The following SCTR variants were observed in gnomAD, a reference collection of about 807,000 sequenced individuals.
The protein encoded by SCTR is secretin receptor.
In SCTR, 56 loss-of-function variants were observed where a neutral mutation model predicts 60.8. The observed-to-expected ratio is 0.92, with a 90% CI of 0.74 to 1.15. The LOEUF (loss-of-function observed/expected upper bound fraction) is 1.15, where lower values mean the gene tolerates loss of function less well. Ranked by LOEUF, SCTR falls within the 50% of genes most tolerant of loss-of-function variation. SCTR has a pLI of 0.00. For missense variants in SCTR, 562 were observed against 550.4 expected (o/e 1.02, Z -0.21); for synonymous variants, 202 against 217.0 (o/e 0.93, Z 0.61).
At chr2:119,465,028 G>C (rs13396829) in intron 5 of SCTR, among the ~76,000 whole-genome samples, 7,911 of 152,244 alleles carry the variant, frequency 0.052, 657 homozygotes, top group African/African-American at 0.18. Context: ...CCGGAAACAG[G>C]CTTTCTTCTG....
chr2:119,463,031 C>T (rs1683679322), intron 6 of SCTR, among the ~76,000 whole-genome samples: 1 of 151,844 alleles, frequency 6.6e-6, no homozygotes, highest in African/African-American at 2.4e-5. Flanking sequence ...ATGGATCCTA[C>T]CTGAAGAACC....
chr2:119,440,180 G>T lies in SCTR; in HGVS notation c.1260C>A (p.Ser420Arg). ...CCAAGTGGCTGGCCTTGGTGCTGTT[G>T]CTGAAGGAGGCCACGGGGTGCAGTG... ...EFPLHPVASF[S>R]NSTKASHLEQ... The change falls in exon 13 of 13, where the codon AGC becomes AGA. Residue 420 changes from serine to arginine, a missense_variant. Ser to Arg is a moderately radical substitution (Grantham distance 110, BLOSUM62 -1). Coordinates refer to ENST00000019103, the MANE Select transcript of SCTR (RefSeq NM_002980.3). 2 of 1,614,068 alleles carry T rather than the reference G, an allele frequency of 1.2e-6. No homozygotes were observed. Among genetic ancestry groups the T allele is most frequent in the Non-Finnish European group, 1.7e-6 (2 of 1,180,012 alleles).
intron 2 of SCTR, chr2:119,479,235 A>G: frequency 9.2e-7 from 1 of 1,084,374 alleles, no homozygotes; most frequent in Non-Finnish European, 1.1e-6. Context: ...TCTGGAGCAG[A>G]TGGCACATCT....
chr2:119,500,842 T>C (rs1678520205), intron 1 of SCTR, among the ~76,000 whole-genome samples: 1 of 152,192 alleles, frequency 6.6e-6, no homozygotes, highest in Non-Finnish European at 1.5e-5. Flanking sequence ...TTTAAAATAA[T>C]CTGTTGTATA....
chr2:119,442,073 C>T (rs918428723), intron 11 of SCTR, among the ~76,000 whole-genome samples: 1 of 152,224 alleles, frequency 6.6e-6, no homozygotes, highest in Non-Finnish European at 1.5e-5. Context: ...GTAGGCAGAA[C>T]AAACTATGTA....
At chr2:119,498,896 A>G (rs1156342298) in intron 1 of SCTR, among the ~76,000 whole-genome samples, 1 of 152,058 alleles carries the variant, frequency 6.6e-6, no homozygotes, top group Non-Finnish European at 1.5e-5. Context: ...AGTGACATTA[A>G]ATGTAAATGG....
intron 1 of SCTR, among the ~76,000 whole-genome samples, chr2:119,505,005 G>A (rs1013255058): frequency 1.3e-5 from 2 of 152,052 alleles, no homozygotes; most frequent in Admixed American, 1.3e-4. Context: ...AGTTACAATG[G>A]CGATCATTAA....
At chr2:119,442,234 T>C (rs1355232454) in intron 11 of SCTR, among the ~76,000 whole-genome samples, 1 of 152,160 alleles carries the variant, frequency 6.6e-6, no homozygotes. Context: ...AGCTCCTGAT[T>C]TCCTGATGGT....
intron 1 of SCTR, among the ~76,000 whole-genome samples, chr2:119,507,614 G>A (rs1171369111): frequency 6.6e-6 from 1 of 151,208 alleles, no homozygotes; most frequent in East Asian, 1.9e-4. Flanking sequence ...ATTTGCTATG[G>A]GTGTCATATA....
intron 7 of SCTR, among the ~76,000 whole-genome samples, chr2:119,457,699 G>A (rs752318496): frequency 1.3e-5 from 2 of 152,058 alleles, no homozygotes; most frequent in Admixed American, 6.5e-5. Flanking sequence ...GGCCAAGAGA[G>A]TGAGATCCTG....
chr2:119,452,045 A>G lies in SCTR; in HGVS notation c.886T>C (p.Trp296Arg). The stretch of plus-strand genomic sequence containing the variant: ...AGGATCACAGGACCACGAATGATCC[A>G]CCAGATGGATGCGTTGGCATTGATG... ...WDINANASIW[W>R]IIRGPVILSI... is the part of the protein sequence containing the mutation. Residue 296 changes from tryptophan (W) to arginine (R), a missense_variant, in exon 9 of 13, where the codon TGG (tryptophan) becomes CGG (arginine). Trp to Arg is a moderately radical substitution (Grantham distance 101, BLOSUM62 -3). Coordinates refer to ENST00000019103, the MANE Select transcript of SCTR (RefSeq NM_002980.3). The G allele has an allele frequency of 5.0e-6, 8 of 1,609,730 alleles. No homozygotes were observed. The highest frequency in any genetic ancestry group is 6.8e-6 in the Non-Finnish European group (8 of 1,177,558).
chr2:119,449,804 C>A (rs1683075832), intron 9 of SCTR, among the ~76,000 whole-genome samples: 1 of 152,130 alleles, frequency 6.6e-6, no homozygotes, highest in Non-Finnish European at 1.5e-5. Flanking sequence ...TTTCGGGGAA[C>A]CCTGCTTCTC....
At chr2:119,499,870 C>T (rs988792339) in intron 1 of SCTR, among the ~76,000 whole-genome samples, 6 of 152,044 alleles carry the variant, frequency 3.9e-5, no homozygotes, top group African/African-American at 1.4e-4. Context: ...GATGTCTACT[C>T]TCACAATTCT....
intron 1 of SCTR, 40 bp from the exon 2 acceptor site, chr2:119,494,588 A>G: frequency 6.2e-7 from 1 of 1,609,986 alleles, no homozygotes; most frequent in South Asian, 1.1e-5. Flanking sequence ...ATTGCCACTA[A>G]CTCAATTTTG....
At chr2:119,503,836 T>G (rs1407243856) in intron 1 of SCTR, among the ~76,000 whole-genome samples, 1 of 152,168 alleles carries the variant, frequency 6.6e-6, no homozygotes, top group East Asian at 1.9e-4. Flanking sequence ...GCAATTGTAA[T>G]AAATAAACCA....
intron 1 of SCTR, among the ~76,000 whole-genome samples, chr2:119,500,918 G>A (rs904600210): frequency 2.0e-5 from 3 of 152,154 alleles, no homozygotes; most frequent in East Asian, 1.9e-4. Flanking sequence ...AATATTTAAG[G>A]TGATGGCTAT....
At chr2:119,467,853 C>T (rs1683902106) in intron 4 of SCTR, among the ~76,000 whole-genome samples, 1 of 152,122 alleles carries the variant, frequency 6.6e-6, no homozygotes, top group African/African-American at 2.4e-5. Context: ...AAGCAGAATT[C>T]AAACTTTACA....
chr2:119,443,354 C>T (rs1682726190), intron 11 of SCTR, among the ~76,000 whole-genome samples: 1 of 152,126 alleles, frequency 6.6e-6, no homozygotes, highest in South Asian at 2.1e-4. Flanking sequence ...ACATCATGAT[C>T]CCAATTATGT....
intron 2 of SCTR, among the ~76,000 whole-genome samples, chr2:119,485,407 G>A (rs972517827): frequency 1.3e-5 from 2 of 152,198 alleles, no homozygotes; most frequent in African/African-American, 2.4e-5. Context: ...TGGGTTGGGG[G>A]AGGACTGAGA....
Sources: gnomAD v4.1 joint callset for allele counts (sites outside exome capture counted in the v4.1 genomes callset) on GRCh38, gnomAD v4.1.1 for gene constraint, MANE v1.5 for transcripts, NCBI Gene and HGNC (gene_info 2026-07-23, HGNC 2026-07-21) for gene names.